The following SEMA3A variants were observed in gnomAD, a reference collection of about 807,000 sequenced individuals.
The protein encoded by SEMA3A is semaphorin 3A.
Under a neutral mutation model 97.9 loss-of-function variants are expected in SEMA3A, and 29 were observed. The observed-to-expected ratio is 0.30, with a 90% CI of 0.22 to 0.40. The LOEUF (loss-of-function observed/expected upper bound fraction) is 0.40, where lower values mean the gene tolerates loss of function less well. Ranked by LOEUF, SEMA3A falls within the 10% of genes least tolerant of loss-of-function variation. The probability of loss-of-function intolerance (pLI) is 1.00; values close to 1 mark genes in which losing one functional copy is unlikely to be tolerated. For synonymous variants in SEMA3A, 321 were observed against 323.7 expected, an observed-to-expected ratio of 0.99 and a Z score of 0.09; for missense variants, 763 against 951.3, an observed-to-expected ratio of 0.80 and a Z score of 2.60.
At chr7:84,320,413 A>G (rs77181179) in intron 2 of SEMA3A, among the ~76,000 whole-genome samples, 4,043 of 152,234 alleles carry the variant, frequency 0.027, 85 homozygotes, top group Non-Finnish European at 0.041. Flanking sequence ...CCTCCAAAGA[A>G]TTTCTAAAAG....
At position 83,980,623 on chromosome 7, in the gene SEMA3A, A is replaced by AAATATATATAT. The variant is rs1310318006; in HGVS notation, c.1652+697_1652+698insATATATATATT. 1.9e-3 allele frequency among the ~76,000 whole-genome samples: 137 copies of AAATATATATAT among 71,758 alleles called. 1 individual carries two copies. The highest frequency in any genetic ancestry group is 0.011 in the African/African-American group (130 of 12,040). 47.1% of individuals were successfully genotyped at this position (71,758 alleles called of 152,430 possible). ...CATCTCAAAAAAAAAAAAAAAAAAA[A>AAATATATATAT]ATATATATATATATATACACACACA... On this transcript the variant is annotated intron_variant, in intron 14 of 16. Coordinates refer to ENST00000265362, the MANE Select transcript of SEMA3A (RefSeq NM_006080.3).
chr7:84,462,629 A>G (rs1805875239), intron 1 of SEMA3A, among the ~76,000 whole-genome samples: 1 of 152,120 alleles, frequency 6.6e-6, no homozygotes, highest in Non-Finnish European at 1.5e-5. Context: ...CTTTATTTTG[A>G]GTGGATCTGT....
chr7:84,422,874 G>C (rs141053451), intron 1 of SEMA3A, among the ~76,000 whole-genome samples: 1 of 151,936 alleles, frequency 6.6e-6, no homozygotes, highest in East Asian at 1.9e-4. Context: ...TCCCTATAGG[G>C]ACCAAAGAAA....
intron 3 of SEMA3A, among the ~76,000 whole-genome samples, chr7:84,246,059 G>A (rs1799470086): frequency 6.6e-6 from 1 of 152,200 alleles, no homozygotes; most frequent in Non-Finnish European, 1.5e-5. Context: ...TGCCCGGGGT[G>A]GGAGGAATCC....
At chr7:84,318,317 G>GTTTTT (rs71522699) in intron 2 of SEMA3A, among the ~76,000 whole-genome samples, 75 of 97,820 alleles carry the variant, frequency 7.7e-4, no homozygotes, top group African/African-American at 1.6e-3. Flanking sequence ...TGATTTCTTG[G>GTTTTT]TTTTTTTTTT....
intron 3 of SEMA3A, among the ~76,000 whole-genome samples, chr7:84,290,484 T>G (rs1217366412): frequency 6.6e-6 from 1 of 151,864 alleles, no homozygotes; most frequent in Non-Finnish European, 1.5e-5. Context: ...GGAGCCATAA[T>G]ATTCTGAGTA....
At chr7:83,977,421 ATGTACTAACAACATGTTAAAAGTCT>A (rs1789197255) in intron 14 of SEMA3A, among the ~76,000 whole-genome samples, 1 of 152,140 alleles carries the variant, frequency 6.6e-6, no homozygotes, top group African/African-American at 2.4e-5. Context: ...CAAGATCCAA[ATGTACTAACAACATGTTAAAAGTCT>A]TTAAAATAGT....
In SEMA3A at chr7:84,389,083, C is replaced by T. The variant is rs374220209; in HGVS notation, c.-245-17183G>A. 9.9e-5 allele frequency among the ~76,000 whole-genome samples: 15 copies of T among 151,992 alleles called. No homozygotes were observed. The East Asian group carries it at 2.3e-3, about 24-fold the overall frequency. On this transcript the variant is annotated intron_variant, in intron 1 of 3. Coordinates refer to the SEMA3A transcript ENST00000424555. Reference sequence around the variant, plus strand: ...AAGTAAAAGGGCCTTATTTCTATGCCTCAGGTTGTAAAAATTTGAAATACT... The same window carrying T: ...AAGTAAAAGGGCCTTATTTCTATGCTTCAGGTTGTAAAAATTTGAAATACT...
At chr7:84,386,983 G>C (rs558513694) in intron 1 of SEMA3A, among the ~76,000 whole-genome samples, 38 of 150,390 alleles carry the variant, frequency 2.5e-4, no homozygotes, top group Non-Finnish European at 4.7e-4. Flanking sequence ...CTGGGGGACA[G>C]AGCAATGCTC....
At chr7:84,450,636 T>C (rs1805530704) in intron 1 of SEMA3A, among the ~76,000 whole-genome samples, 1 of 152,228 alleles carries the variant, frequency 6.6e-6, no homozygotes, top group African/African-American at 2.4e-5. Flanking sequence ...TATTTGTAAG[T>C]AGTAAATTTA....
chr7:84,109,243 C>A (rs1191378890), intron 4 of SEMA3A, among the ~76,000 whole-genome samples: 6 of 152,148 alleles, frequency 3.9e-5, no homozygotes, highest in Non-Finnish European at 5.9e-5. Flanking sequence ...GTAAAACAAG[C>A]AACTTCACTA....
intron 15 of SEMA3A, among the ~76,000 whole-genome samples, chr7:83,964,416 T>C (rs542498333): frequency 9.4e-4 from 143 of 152,348 alleles, no homozygotes; most frequent in African/African-American, 3.2e-3. Flanking sequence ...TTCCCCTTTT[T>C]TGTCATCACT....
At chr7:84,240,223 G>A (rs911163286) in intron 3 of SEMA3A, among the ~76,000 whole-genome samples, 1 of 152,134 alleles carries the variant, frequency 6.6e-6, no homozygotes, top group Non-Finnish European at 1.5e-5. Flanking sequence ...AACTTGTTAT[G>A]CATAATTTTT....
chr7:84,019,839 T>C (rs1485034187), intron 6 of SEMA3A, among the ~76,000 whole-genome samples: 1 of 152,062 alleles, frequency 6.6e-6, no homozygotes, highest in Admixed American at 6.6e-5. Flanking sequence ...TTGTGGCTTT[T>C]CTGACTCTGA....
chr7:84,367,420 A>G (rs942946191), intron 2 of SEMA3A, among the ~76,000 whole-genome samples: 1 of 151,404 alleles, frequency 6.6e-6, no homozygotes, highest in East Asian at 1.9e-4. Flanking sequence ...ATATTTAAAG[A>G]GCTAATGTAT....
chr7:84,157,817 C>T (rs1430305403), intron 1 of SEMA3A, among the ~76,000 whole-genome samples: 1 of 152,112 alleles, frequency 6.6e-6, no homozygotes, highest in African/African-American at 2.4e-5. Context: ...AAATGGGCCT[C>T]GTGATTTGAC....
chr7:84,042,734 T>C (rs552256422), intron 6 of SEMA3A, among the ~76,000 whole-genome samples: 4 of 152,130 alleles, frequency 2.6e-5, no homozygotes, highest in African/African-American at 9.6e-5. Context: ...AGATAGTCTT[T>C]CTTCCAAATC....
chr7:84,118,957 A>C (rs1795517510), intron 3 of SEMA3A, among the ~76,000 whole-genome samples: 1 of 152,216 alleles, frequency 6.6e-6, no homozygotes, highest in Non-Finnish European at 1.5e-5. Context: ...TTACAGCCAT[A>C]GACTAGCTCA....
intron 1 of SEMA3A, among the ~76,000 whole-genome samples, chr7:84,475,099 G>A (rs1013382029): frequency 5.3e-5 from 8 of 152,206 alleles, no homozygotes; most frequent in African/African-American, 9.6e-5. Context: ...CAAGAGTGCC[G>A]GGTCCCAGGA....
Sources: gnomAD v4.1 joint callset for allele counts (sites outside exome capture counted in the v4.1 genomes callset) on GRCh38, gnomAD v4.1.1 for gene constraint, MANE v1.5 for transcripts, NCBI Gene and HGNC (gene_info 2026-07-23, HGNC 2026-07-21) for gene names.